The following CYLD variants were observed in gnomAD, a reference collection of about 807,000 sequenced individuals.
CYLD encodes the protein CYLD lysine 63 deubiquitinase, also known as ubiquitin carboxyl-terminal hydrolase CYLD.
In CYLD, 26 loss-of-function variants were observed where a neutral mutation model predicts 104.5. The observed-to-expected ratio is 0.25, with a 90% CI of 0.18 to 0.35. CYLD has a LOEUF of 0.35. Ranked by LOEUF, CYLD falls within the 10% of genes least tolerant of loss-of-function variation. The pLI is 1.00. For synonymous variants in CYLD, 385 were observed against 399.9 expected, an observed-to-expected ratio of 0.96 and a Z score of 0.45; for missense variants, 703 against 1,136.1, an observed-to-expected ratio of 0.62 and a Z score of 5.48.
rs1972102696 is a variant in CYLD at position 50,796,950 on chromosome 16, A to T, written c.*442A>T. ...CTTGAGGAAGAAATAATTTGGTTTT[A>T]TTAAGAGTCTACTCTCAATCCAGTT... On this transcript the variant is annotated 3_prime_UTR_variant, in exon 19 of 19. Coordinates refer to ENST00000427738, the MANE Select transcript of CYLD (RefSeq NM_001378743.1). The T allele has an allele frequency of 3.2e-6, 1 of 310,864 alleles. No homozygotes were observed. Among genetic ancestry groups the T allele is most frequent in the Non-Finnish European group, 6.1e-6 (1 of 164,140 alleles). 19.3% of individuals were successfully genotyped at this position (310,864 alleles called of 1,614,324 possible). A position where few individuals can be genotyped will look rare whatever the true frequency, so the allele number is the denominator to read the frequency against.
chr16:50,773,132 C>T (rs1198713105), intron 5 of CYLD, among the ~76,000 whole-genome samples: 1 of 152,156 alleles, frequency 6.6e-6, no homozygotes, highest in Non-Finnish European at 1.5e-5. Context: ...GAATTATGCT[C>T]TTGTGGCTGC....
Position 50,800,791 on chromosome 16 carries a change from G to A in CYLD, c.*4283G>A, listed in dbSNP as rs1443795126. ...TTAAAGTAGGTAGGCTATAAGGCCTGTAATTTAAAATAATACTCCTTTCTC... is the reference window on the plus strand; with the variant it reads ...TTAAAGTAGGTAGGCTATAAGGCCTATAATTTAAAATAATACTCCTTTCTC... On this transcript the variant is annotated 3_prime_UTR_variant, in exon 19 of 19. Transcript: ENST00000427738. The A allele has an allele frequency of 4.3e-6, 1 of 233,212 alleles. No homozygotes were observed. The highest frequency in any genetic ancestry group is 2.2e-5 in the African/African-American group (1 of 45,346). The allele number at this position is 233,212 out of a possible 1,614,324, so 14.4% of individuals were successfully genotyped here.
intron 5 of CYLD, among the ~76,000 whole-genome samples, chr16:50,754,994 T>G (rs1168830621): frequency 9.8e-5 from 1 of 10,224 alleles, no homozygotes; most frequent in Non-Finnish European, 2.2e-4. Flanking sequence ...TATACATATA[T>G]ATGTATATAT....
At chr16:50,795,684 C>T in intron 18 of CYLD, 1 of 696,754 alleles carries the variant, frequency 1.4e-6, no homozygotes, top group Non-Finnish European at 2.6e-6. Flanking sequence ...TTCTCTGATG[C>T]TTGAGGGATA....
chr16:50,796,205 TA>T, intron 18 of CYLD, 118 bp from the exon 19 acceptor site: 1 of 939,576 alleles, frequency 1.1e-6, no homozygotes, highest in Non-Finnish European at 1.6e-6. Flanking sequence ...AAATCAGAAG[TA>T]AAATAAAGGC....
At chr16:50,786,645 A>T (rs1970859368) in intron 12 of CYLD, 2 of 499,358 alleles carry the variant, frequency 4.0e-6, no homozygotes, top group Admixed American at 6.8e-5. Context: ...CTGTAATTCC[A>T]GCTACTTTGG....
At chr16:50,755,024 CATATATATGT>C (rs1175016364) in intron 5 of CYLD, among the ~76,000 whole-genome samples, 1 of 96,574 alleles carries the variant, frequency 1.0e-5, no homozygotes, top group East Asian at 2.6e-4. Flanking sequence ...TGTATATATA[CATATATATGT>C]ATATATACAT....
rs1167289723 is a variant in CYLD, at chr16:50,777,821, A to G, written c.1022-4A>G. 6 of 1,500,576 alleles carry G rather than the reference A, an allele frequency of 4.0e-6. No homozygotes were observed. The highest frequency in any genetic ancestry group is 2.3e-5 in the South Asian group (2 of 88,374). The allele number at this position is 1,500,576 out of a possible 1,614,324, so 93.0% of individuals were successfully genotyped here. ...TTTAAATGAAACTTTTCTTGTTCCT[A>G]TAGGATCTACCTCAGACCCTGGAAA... On this transcript the variant is annotated splice_polypyrimidine_tract_variant and splice_region_variant and intron_variant, in intron 7 of 18. Coordinates refer to ENST00000427738, the MANE Select transcript of CYLD (RefSeq NM_001378743.1).
intron 2 of CYLD, 27 bp downstream of exon 2, chr16:50,742,868 A>C: frequency 3.4e-5 from 4 of 118,050 alleles, no homozygotes; most frequent in Non-Finnish European, 6.2e-5. Flanking sequence ...TTTTTCTTTC[A>C]TGTTAACAAT....
At chr16:50,774,266 A>T (rs1333325483) in intron 5 of CYLD, among the ~76,000 whole-genome samples, 1 of 152,172 alleles carries the variant, frequency 6.6e-6, no homozygotes, top group Non-Finnish European at 1.5e-5. Context: ...AGTATCTGTC[A>T]TGGGTGCTAT....
At chr16:50,784,540 A>T in intron 12 of CYLD, 89 bp downstream of exon 12, 1 of 1,348,048 alleles carries the variant, frequency 7.4e-7, no homozygotes, top group Non-Finnish European at 1.0e-6. Context: ...CCTTGTCTTC[A>T]TGTAATAAGA....
At chr16:50,781,180 C>T (rs1970182691) in intron 9 of CYLD, 66 bp from the exon 10 acceptor site, 1 of 1,575,590 alleles carries the variant, frequency 6.3e-7, no homozygotes, top group Admixed American at 1.7e-5. Context: ...TCTTAGAAAC[C>T]TTAGTTCTTT....
chr16:50,746,506 C>T (rs996248683), intron 2 of CYLD, among the ~76,000 whole-genome samples: 3 of 152,124 alleles, frequency 2.0e-5, no homozygotes, highest in South Asian at 4.1e-4. Context: ...AAGGCTGTAT[C>T]CTTTATTTTT....
chr16:50,764,682 C>A (rs1407507970), intron 5 of CYLD, among the ~76,000 whole-genome samples: 1 of 152,136 alleles, frequency 6.6e-6, no homozygotes, highest in African/African-American at 2.4e-5. Flanking sequence ...TAGGTCTAAG[C>A]CCGTAGTTCT....
intron 2 of CYLD, among the ~76,000 whole-genome samples, chr16:50,747,719 A>G (rs1171157360): frequency 6.6e-6 from 1 of 152,196 alleles, no homozygotes; most frequent in Non-Finnish European, 1.5e-5. Flanking sequence ...ATAAGTGGCA[A>G]ATATAAATTG....
rs976507009 is a variant in CYLD at position 50,796,812 on chromosome 16, A to G, written c.*304A>G. On this transcript the variant is annotated 3_prime_UTR_variant, in exon 19 of 19. Coordinates refer to ENST00000427738, the MANE Select transcript of CYLD (RefSeq NM_001378743.1). The stretch of plus-strand genomic sequence containing the variant: ...CATATGATATTTTTGGAAGCATACA[A>G]TTTTAATTGTGGAAGTTTAAAGCCT... 5 of 401,288 alleles carry G rather than the reference A, an allele frequency of 1.2e-5. No individual in the cohort carries two copies. Among genetic ancestry groups the G allele is most frequent in the African/African-American group, 9.9e-5 (5 of 50,392 alleles). 24.9% of individuals were successfully genotyped at this position (401,288 alleles called of 1,614,324 possible). A position where few individuals can be genotyped will look rare whatever the true frequency, so the allele number is the denominator to read the frequency against.
At chr16:50,754,990 T>C (rs183050864) in intron 5 of CYLD, among the ~76,000 whole-genome samples, 323 of 12,082 alleles carry the variant, frequency 0.027, 4 homozygotes, top group Middle Eastern at 0.056. Flanking sequence ...CATATATACA[T>C]ATATATGTAT....
intron 18 of CYLD, chr16:50,795,727 C>T (rs1567461486): frequency 1.6e-6 from 1 of 627,612 alleles, no homozygotes; most frequent in Non-Finnish European, 2.9e-6. Flanking sequence ...GTGCCCCCAA[C>T]CCAGTTAACA....
intron 10 of CYLD, 112 bp downstream of exon 10, chr16:50,781,523 C>G: frequency 7.7e-7 from 1 of 1,305,746 alleles, no homozygotes; most frequent in South Asian, 1.3e-5. Flanking sequence ...CTTGCCAACG[C>G]TCATTAAGCT....
Sources: allele counts gnomAD v4.1 joint callset (sites outside exome capture counted in the v4.1 genomes callset), GRCh38; gene constraint gnomAD v4.1.1; transcripts MANE v1.5; gene names NCBI Gene and HGNC (gene_info 2026-07-23, HGNC 2026-07-21).